The following PTPDC1 variants were observed in gnomAD, a reference collection of about 807,000 sequenced individuals.
PTPDC1 encodes protein tyrosine phosphatase domain containing 1.
A neutral mutation model predicts 75.3 loss-of-function variants in PTPDC1; 53 were observed. The ratio of observed to expected loss-of-function variants is 0.70; its 90% CI spans 0.56 to 0.88. The LOEUF is 0.88. PTPDC1 is among the 40% of genes least tolerant of loss of function. The probability of loss-of-function intolerance (pLI) is 0.00; values close to 1 mark genes in which losing one functional copy is unlikely to be tolerated. For missense variants in PTPDC1, 925 were observed against 998.6 expected (o/e 0.93, Z 0.99); for synonymous variants, 349 against 366.2 (o/e 0.95, Z 0.54).
chr9:94,094,366 G>GGGGA lies in PTPDC1; in HGVS notation c.617-950_617-949insGGAG, dbSNP rs386415509. Among the ~76,000 whole-genome samples the GGGGA allele has an allele frequency of 1.7e-3, 40 of 23,018 alleles. 1 individual carries two copies. Among genetic ancestry groups the GGGGA allele is most frequent in the African/African-American group, 8.7e-3 (4 of 460 alleles). The allele number at this position is 23,018 out of a possible 152,430, so 15.1% of individuals were successfully genotyped here. A position where few individuals can be genotyped will look rare whatever the true frequency, so the allele number is the denominator to read the frequency against. ...TGTGAGGTGTCAGTGTGCCCCTGCT[G>GGGGA]GTGCCTCCCAGTTAGGCTGTTCTGG... On this transcript the variant is annotated intron_variant, in intron 4 of 8. Coordinates refer to ENST00000620992, the MANE Select transcript of PTPDC1 (RefSeq NM_001253829.2).
intron 1 of PTPDC1, among the ~76,000 whole-genome samples, chr9:94,060,195 G>C (rs1038338481): frequency 6.6e-6 from 1 of 152,168 alleles, no homozygotes. Context: ...TGGAAGAAAG[G>C]GTGTATTGTT....
In PTPDC1 at chr9:94,088,132, T is replaced by G. The variant is rs1450038066; in HGVS notation, c.498-13T>G. 1 of 1,609,480 alleles carries G rather than the reference T, an allele frequency of 6.2e-7. No individual in the cohort carries two copies. The highest frequency in any genetic ancestry group is 8.5e-7 in the Non-Finnish European group (1 of 1,178,670). ...TAGCTCCCAATATGACTGACTGCCC[T>G]TTTTCCTTTAAGCCATGGCATAAAA... On this transcript the variant is annotated splice_polypyrimidine_tract_variant and intron_variant, in intron 3 of 8. Transcript: ENST00000620992.
intron 2 of PTPDC1, among the ~76,000 whole-genome samples, chr9:94,070,863 G>A (rs376930315): frequency 1.1e-4 from 17 of 152,138 alleles, no homozygotes; most frequent in East Asian, 3.9e-4. Flanking sequence ...TTTTATTGCT[G>A]AGTAGTATTC....
intron 1 of PTPDC1, among the ~76,000 whole-genome samples, chr9:94,031,321 C>T (rs10114421): frequency 0.14 from 22,007 of 152,020 alleles, 1,837 homozygotes; most frequent in East Asian, 0.28. Context: ...CTGGGAGATG[C>T]TGGGAGAACC....
intron 1 of PTPDC1, among the ~76,000 whole-genome samples, chr9:94,048,023 A>T (rs1825668455): frequency 6.6e-6 from 1 of 152,180 alleles, no homozygotes. Flanking sequence ...TTCTGAAACT[A>T]TTCCAATCAA....
intron 4 of PTPDC1, among the ~76,000 whole-genome samples, chr9:94,093,253 T>C (rs1827398963): frequency 6.6e-6 from 1 of 150,822 alleles, no homozygotes; most frequent in South Asian, 2.1e-4. Flanking sequence ...TAGTGCTTCC[T>C]TCAGGAGCTC....
At chr9:94,059,468 T>C (rs1182793942) in intron 1 of PTPDC1, among the ~76,000 whole-genome samples, 3 of 152,230 alleles carry the variant, frequency 2.0e-5, no homozygotes, top group Admixed American at 6.5e-5. Context: ...TATTCACCTT[T>C]AAAATTTACA....
intron 7 of PTPDC1, among the ~76,000 whole-genome samples, chr9:94,102,707 G>A (rs979896604): frequency 6.6e-6 from 1 of 152,028 alleles, no homozygotes; most frequent in Non-Finnish European, 1.5e-5. Context: ...AGCCTCCCGA[G>A]TAGCTGGGAT....
At chr9:94,080,988 CT>C (rs1254750314), upstream of PTPDC1, among the ~76,000 whole-genome samples, 5,111 of 127,548 alleles carry the variant, frequency 0.04, 324 homozygotes, top group African/African-American at 0.15. Flanking sequence ...TTTTCTTTTT[CT>C]TTTTCTTTTT....
intron 3 of PTPDC1, 66 bp from the exon 4 acceptor site, chr9:94,088,079 C>T: frequency 6.4e-7 from 1 of 1,569,320 alleles, no homozygotes; most frequent in African/African-American, 1.4e-5. Context: ...TTGATTAATA[C>T]CAAAAATGGT....
At chr9:94,073,623 A>G (rs992986416) in intron 2 of PTPDC1, among the ~76,000 whole-genome samples, 5 of 152,046 alleles carry the variant, frequency 3.3e-5, no homozygotes, top group Non-Finnish European at 5.9e-5. Flanking sequence ...TATCTGTCCA[A>G]TGCTTGTTTT....
At chr9:94,077,892 C>A (rs1267666812) in intron 2 of PTPDC1, among the ~76,000 whole-genome samples, 2 of 152,178 alleles carry the variant, frequency 1.3e-5, no homozygotes, top group South Asian at 4.1e-4. Flanking sequence ...CATTAACATA[C>A]AAAAAGATAT....
chr9:94,059,180 GTA>G (rs1053957081), intron 1 of PTPDC1, among the ~76,000 whole-genome samples: 1 of 152,098 alleles, frequency 6.6e-6, no homozygotes, highest in African/African-American at 2.4e-5. Context: ...TAAAAAAAAA[GTA>G]TGTGTTCACA....
At chr9:94,063,291 A>G (rs1826199540) in intron 1 of PTPDC1, among the ~76,000 whole-genome samples, 2 of 152,372 alleles carry the variant, frequency 1.3e-5, no homozygotes, top group East Asian at 3.9e-4. Context: ...AAATGTTTTA[A>G]GAAAATAGTC....
chr9:94,095,068 G>A (rs1015861932), intron 4 of PTPDC1, among the ~76,000 whole-genome samples: 24 of 152,368 alleles, frequency 1.6e-4, no homozygotes, highest in South Asian at 4.1e-4. Flanking sequence ...GCTGTAGACC[G>A]GAGCTGTTCC....
At chr9:94,091,842 T>C (rs1450681212) in intron 4 of PTPDC1, among the ~76,000 whole-genome samples, 3 of 152,200 alleles carry the variant, frequency 2.0e-5, no homozygotes, top group South Asian at 2.1e-4. Context: ...ATTTATCCAT[T>C]TCTTCTAGAT....
chr9:94,038,803 G>A (rs1276318363), intron 1 of PTPDC1, among the ~76,000 whole-genome samples: 1 of 152,146 alleles, frequency 6.6e-6, no homozygotes, highest in East Asian at 1.9e-4. Flanking sequence ...AGATAAATAA[G>A]GTAGCAATGT....
intron 4 of PTPDC1, among the ~76,000 whole-genome samples, chr9:94,089,040 CTT>C (rs572095911): frequency 2.1e-5 from 3 of 141,076 alleles, no homozygotes; most frequent in African/African-American, 7.8e-5. Context: ...CAGGAAATGT[CTT>C]TTTTTTTTCA....
At chr9:94,042,356 A>G (rs959634805) in intron 1 of PTPDC1, among the ~76,000 whole-genome samples, 3 of 152,096 alleles carry the variant, frequency 2.0e-5, no homozygotes, top group African/African-American at 7.2e-5. Context: ...CATTTATTAT[A>G]CAAGCATGCC....
Sources: gnomAD v4.1 joint callset for allele counts (sites outside exome capture counted in the v4.1 genomes callset) on GRCh38, gnomAD v4.1.1 for gene constraint, MANE v1.5 for transcripts, NCBI Gene and HGNC (gene_info 2026-07-23, HGNC 2026-07-21) for gene names.